Variants in OPA1 observed in about 807,000 individuals in gnomAD.
OPA1 encodes OPA1 mitochondrial dynamin like GTPase.
OPA1 carries 59 observed loss-of-function variants against 152.9 expected under a neutral mutation model. That is an observed-to-expected ratio of 0.39 (90% confidence interval 0.31 to 0.48). The LOEUF (loss-of-function observed/expected upper bound fraction) is 0.48. Among genes scored for constraint, OPA1 ranks in the 20% least tolerant of loss-of-function variants. OPA1 has a pLI of 0.96. For synonymous variants in OPA1, 400 were observed against 389.9 expected (o/e 1.03, Z -0.31); for missense variants, 1,008 against 1,216.8 (o/e 0.83, Z 2.55).
chr3:193,635,320 G>T (rs1429967436), intron 8 of OPA1, 98 bp from the exon 9 acceptor site: 3 of 718,426 alleles, frequency 4.2e-6, no homozygotes, highest in East Asian at 5.2e-5. Flanking sequence ...TTAAATAGGA[G>T]ATATGACTTC....
chr3:193,630,174 A>G (rs1731849832), intron 7 of OPA1, among the ~76,000 whole-genome samples: 1 of 152,152 alleles, frequency 6.6e-6, no homozygotes, highest in Admixed American at 6.5e-5. Context: ...TTGTCTCCTC[A>G]CAGTTTAGGC....
chr3:193,685,117 T>G (rs1284554822), intron 29 of OPA1, among the ~76,000 whole-genome samples: 2 of 151,958 alleles, frequency 1.3e-5, no homozygotes, highest in Non-Finnish European at 2.9e-5. Context: ...CTAGCCAATA[T>G]GGTGAAACCC....
intron 10 of OPA1, 87 bp downstream of exon 10, chr3:193,637,368 A>G (rs1577226842): frequency 2.4e-5 from 17 of 710,904 alleles, no homozygotes; most frequent in Non-Finnish European, 4.0e-5. Flanking sequence ...ATATGTACAC[A>G]TACACATATA....
rs1053264098 is a variant in OPA1, at chr3:193,657,171, A to C, written c.2270A>C (p.Glu757Ala). The C allele has an allele frequency of 6.2e-7, 1 of 1,613,948 alleles. No individual in the cohort carries two copies. ...GATGACATATTTGATAAACTTAAAG[A>C]GGCTGTTAAGGAAGAAAGTATTAAA... is the stretch of plus-strand genomic sequence containing the variant. ...EHDDIFDKLK[E>A]AVKEESIKRH... Residue 757 changes from glutamate to alanine, a missense_variant, in exon 23 of 31, where the codon GAG becomes GCG. Coordinates refer to ENST00000361510, the MANE Select transcript of OPA1 (RefSeq NM_130837.3).
At chr3:193,674,079 T>TG (rs1283563925) in intron 29 of OPA1, among the ~76,000 whole-genome samples, 1 of 152,218 alleles carries the variant, frequency 6.6e-6, no homozygotes, top group African/African-American at 2.4e-5. Context: ...TTGACTGTTC[T>TG]TTATTGTTTG....
At chr3:193,668,646 C>T (rs1717236404) in intron 29 of OPA1, 10 of 1,508,422 alleles carry the variant, frequency 6.6e-6, no homozygotes, top group African/African-American at 4.2e-5. Flanking sequence ...AGATACTCTC[C>T]TCAGTACTGG....
In OPA1 at chr3:193,659,521, A is replaced by G. The variant is rs759219445; in HGVS notation, c.2480A>G (p.Lys827Arg). Residue 827 changes from lysine to arginine, a missense_variant, in exon 25 of 31, where the codon AAA becomes AGA. Lys to Arg is a conservative substitution (Grantham distance 26). This residue lies in a region of OPA1 where 229 missense variants were observed against 269.0 expected (regional missense o/e 0.85). Coordinates refer to ENST00000361510, the MANE Select transcript of OPA1 (RefSeq NM_130837.3). ...GAAAACATGGTGGGTCCAGACTGGA[A>G]AAAGAGGTGGTTATACTGGAAGAAT... is the stretch of plus-strand genomic sequence containing the variant. ...AIENMVGPDW[K>R]KRWLYWKNRT... is the part of the protein sequence containing the mutation. 2 of 1,612,402 alleles carry G rather than the reference A, an allele frequency of 1.2e-6. No individual in the cohort carries two copies. Among genetic ancestry groups the G allele is most frequent in the East Asian group, 4.5e-5 (2 of 44,754 alleles).
chr3:193,668,933 C>T lies in OPA1; in HGVS notation c.2983+1653C>T. 5.4e-6 allele frequency: 5 copies of T among 921,094 alleles called. No homozygotes were observed. The South Asian group carries it at 2.2e-4, about 41-fold the overall frequency. 57.1% of individuals were successfully genotyped at this position (921,094 alleles called of 1,614,324 possible). ...AAAATAAAATACCTGTAGTTGGTAC[C>T]TCTGTTTGAGCCTGCCTTGTTACAA... On this transcript the variant is annotated intron_variant, in intron 29 of 30. Transcript: ENST00000361510.
At chr3:193,615,398 T>G (rs1317510841) in intron 2 of OPA1, among the ~76,000 whole-genome samples, 7 of 152,216 alleles carry the variant, frequency 4.6e-5, no homozygotes, top group African/African-American at 1.7e-4. Flanking sequence ...TCTCCCAGTC[T>G]GTCTTCCTTC....
At chr3:193,660,868 C>G (rs778661504) in intron 25 of OPA1, among the ~76,000 whole-genome samples, 3 of 152,124 alleles carry the variant, frequency 2.0e-5, no homozygotes, top group Non-Finnish European at 2.9e-5. Flanking sequence ...AAGAGAATTT[C>G]TAGAGATCCA....
At chr3:193,611,002 G>A (rs1158665724) in intron 1 of OPA1, among the ~76,000 whole-genome samples, 2 of 152,186 alleles carry the variant, frequency 1.3e-5, no homozygotes, top group African/African-American at 2.4e-5. Context: ...GCGATGCCTC[G>A]CCCTGCTTTG....
In OPA1 at chr3:193,659,561, G is replaced by A; in HGVS notation, c.2520G>A (p.Gln840=). The change falls in exon 25 of 31, where the codon CAG becomes CAA. Residue 840 remains glutamine, a splice_region_variant and synonymous_variant. Coordinates refer to ENST00000361510, the MANE Select transcript of OPA1 (RefSeq NM_130837.3). ...WLYWKNRTQE[Q]CVHNETKNEL... is the part of the protein sequence containing the mutation. ...ACTGGAAGAATCGGACCCAAGAACA[G>A]GTAGAAATAAACAAGTCTCTAGTCT... The A allele has an allele frequency of 6.2e-7, 1 of 1,608,422 alleles. No homozygotes were observed. The highest frequency in any genetic ancestry group is 8.5e-7 in the Non-Finnish European group (1 of 1,176,242).
chr3:193,628,305 G>A (rs1191229732), intron 7 of OPA1, among the ~76,000 whole-genome samples: 1 of 151,972 alleles, frequency 6.6e-6, no homozygotes, highest in Non-Finnish European at 1.5e-5. Context: ...AAGAACTCAA[G>A]CAGAGACAGA....
intron 1 of OPA1, among the ~76,000 whole-genome samples, chr3:193,604,715 C>T (rs191151890): frequency 2.0e-5 from 3 of 151,828 alleles, no homozygotes; most frequent in East Asian, 3.9e-4. Context: ...ACAAAATTAG[C>T]CAGGCGTGGT....
At chr3:193,643,915 G>A in intron 15 of OPA1, 60 bp from the exon 16 acceptor site, 2 of 1,562,502 alleles carry the variant, frequency 1.3e-6, no homozygotes, top group Non-Finnish European at 1.8e-6. Flanking sequence ...TTTGTACTGA[G>A]TTTTAAAAGT....
chr3:193,617,781 C>T lies in OPA1; in HGVS notation c.557-3C>T. The T allele has an allele frequency of 6.2e-7, 1 of 1,608,004 alleles. No homozygotes were observed. Among genetic ancestry groups the T allele is most frequent in the Non-Finnish European group, 8.5e-7 (1 of 1,174,700 alleles). ...TATTTCCCCTTTTGCTGATTTTTCA[C>T]AGGTCACAAATTGGTTAGTGAAGTC... On this transcript the variant is annotated splice_polypyrimidine_tract_variant and splice_region_variant and intron_variant, in intron 4 of 30. Transcript: ENST00000361510.
intron 1 of OPA1, among the ~76,000 whole-genome samples, chr3:193,610,881 G>A (rs764268667): frequency 2.0e-5 from 3 of 152,224 alleles, no homozygotes; most frequent in African/African-American, 7.2e-5. Context: ...TAAGACCATC[G>A]GAAAAGCGCA....
chr3:193,643,883 T>A, intron 15 of OPA1, 92 bp from the exon 16 acceptor site: 1 of 1,322,456 alleles, frequency 7.6e-7, no homozygotes, highest in East Asian at 2.3e-5. Context: ...TTTCTTGCTA[T>A]AATGTAGACA....
In OPA1 at chr3:193,663,080, A is replaced by T. The variant is rs112722519; in HGVS notation, c.2661+118A>T. ...GCTTAATTTGACTTTTGTCACGTGT[A>T]CATTTGCTGACAGTAAAAGCTTAGT... is the stretch of plus-strand genomic sequence containing the variant. On this transcript the variant is annotated intron_variant, in intron 26 of 30. Transcript: ENST00000361510. 48 of 924,390 alleles carry T rather than the reference A, an allele frequency of 5.2e-5. 1 individual carries two copies. Among genetic ancestry groups the T allele is most frequent in the African/African-American group, 4.3e-4 (26 of 60,050 alleles). 57.3% of individuals were successfully genotyped at this position (924,390 alleles called of 1,614,324 possible). A position where few individuals can be genotyped will look rare whatever the true frequency, so the allele number is the denominator to read the frequency against.
Sources: allele counts gnomAD v4.1 joint callset (sites outside exome capture counted in the v4.1 genomes callset), GRCh38; gene constraint gnomAD v4.1.1; regional missense constraint gnomAD v4.1.1; transcripts MANE v1.5; gene names NCBI Gene and HGNC (gene_info 2026-07-23, HGNC 2026-07-21).